Variants in FRMD3 observed in about 807,000 individuals in gnomAD.
FRMD3 encodes the protein FERM domain containing 3.
FRMD3 carries 33 observed loss-of-function variants against 70.2 expected under a neutral mutation model. The observed-to-expected ratio is 0.47, with a 90% CI of 0.36 to 0.63. FRMD3 has a LOEUF of 0.63. Among genes scored for constraint, FRMD3 ranks in the 20% least tolerant of loss-of-function variants. FRMD3 has a pLI of 0.00. For synonymous variants in FRMD3, 279 were observed against 255.9 expected, an observed-to-expected ratio of 1.09 and a Z score of -0.86; for missense variants, 632 against 711.4, an observed-to-expected ratio of 0.89 and a Z score of 1.27.
At chr9:83,310,610 T>C in intron 8 of FRMD3, 62 bp from the exon 9 acceptor site, 1 of 1,314,688 alleles carries the variant, frequency 7.6e-7, no homozygotes. Flanking sequence ...GGTACCTGGG[T>C]TTCCCATAGG....
chr9:83,272,789 G>C (rs1455749177), intron 13 of FRMD3, among the ~76,000 whole-genome samples: 1 of 149,322 alleles, frequency 6.7e-6, no homozygotes, highest in Non-Finnish European at 1.5e-5. Flanking sequence ...CCTCTGCCCC[G>C]CCGCCCCGTC....
chr9:83,443,795 A>G (rs1309783590), intron 1 of FRMD3, among the ~76,000 whole-genome samples: 1 of 152,132 alleles, frequency 6.6e-6, no homozygotes, highest in Non-Finnish European at 1.5e-5. Context: ...CATCCTCTCC[A>G]GCACCTGTTG....
chr9:83,279,109 T>A (rs1833884830), intron 13 of FRMD3: 1 of 150,388 alleles, frequency 6.6e-6, no homozygotes, highest in African/African-American at 2.5e-5. Context: ...GTTCCGATTA[T>A]CAAGTGAGTC....
chr9:83,372,218 A>G (rs1156850809), intron 3 of FRMD3, among the ~76,000 whole-genome samples: 1 of 152,108 alleles, frequency 6.6e-6, no homozygotes, highest in East Asian at 1.9e-4. Flanking sequence ...ACAGCCTGGC[A>G]TGAGTGACCA....
chr9:83,300,242 T>C (rs1222026655), intron 10 of FRMD3, among the ~76,000 whole-genome samples: 1 of 152,146 alleles, frequency 6.6e-6, no homozygotes, highest in Admixed American at 6.5e-5. Flanking sequence ...GAAAGACACA[T>C]GGCTGATCTA....
At chr9:83,318,831 AAT>A (rs1835685933) in intron 6 of FRMD3, among the ~76,000 whole-genome samples, 1 of 152,188 alleles carries the variant, frequency 6.6e-6, no homozygotes, top group African/African-American at 2.4e-5. Context: ...ACTTTTTAGT[AAT>A]AGTCTTTCTG....
chr9:83,488,099 A>G (rs1385006356), intron 1 of FRMD3, among the ~76,000 whole-genome samples: 1 of 152,180 alleles, frequency 6.6e-6, no homozygotes, highest in Non-Finnish European at 1.5e-5. Context: ...ACATCTGGAT[A>G]CATCAACATA....
At chr9:83,326,046 A>G (rs1836002023) in intron 6 of FRMD3, among the ~76,000 whole-genome samples, 1 of 152,140 alleles carries the variant, frequency 6.6e-6, no homozygotes, top group Non-Finnish European at 1.5e-5. Context: ...TTGCTAGTTG[A>G]CCGGGTATAA....
chr9:83,505,503 G>A (rs1156656602), intron 1 of FRMD3, among the ~76,000 whole-genome samples: 3 of 152,116 alleles, frequency 2.0e-5, no homozygotes, highest in Admixed American at 6.5e-5. Flanking sequence ...AGGACAGGTG[G>A]CCTGAGAGAG....
At chr9:83,381,630 T>C (rs1825358495) in intron 2 of FRMD3, among the ~76,000 whole-genome samples, 1 of 152,100 alleles carries the variant, frequency 6.6e-6, no homozygotes, top group East Asian at 1.9e-4. Context: ...ATGATGTTTT[T>C]GTATTCTAGG....
intron 1 of FRMD3, among the ~76,000 whole-genome samples, chr9:83,517,574 C>A (rs575667134): frequency 1.3e-5 from 2 of 151,130 alleles, no homozygotes; most frequent in African/African-American, 2.4e-5. Context: ...AAAAAGCACC[C>A]GGTACCATTC....
At chr9:83,252,269 C>A (rs2118562096) in intron 13 of FRMD3, among the ~76,000 whole-genome samples, 1 of 152,220 alleles carries the variant, frequency 6.6e-6, no homozygotes, top group East Asian at 1.9e-4. Context: ...TTTGGCCAAA[C>A]TAAGCTTCAT....
intron 12 of FRMD3, among the ~76,000 whole-genome samples, chr9:83,296,461 T>G (rs966987392): frequency 1.3e-5 from 2 of 152,218 alleles, no homozygotes; most frequent in African/African-American, 4.8e-5. Flanking sequence ...CTGGGGGACA[T>G]GGAGATGACC....
intron 1 of FRMD3, among the ~76,000 whole-genome samples, chr9:83,423,956 G>A (rs1359303137): frequency 2.0e-5 from 3 of 152,134 alleles, no homozygotes; most frequent in Non-Finnish European, 4.4e-5. Context: ...ATCAGATGTT[G>A]CAAATACAGA....
rs572237931 is a variant in FRMD3, at chr9:83,362,057, A to G, written c.295+10856T>C. ...TTTATTATGGATGCCCAGAGAAACT[A>G]ACACACTCAGCAAGGGGAAAACTGG... On this transcript the variant is annotated intron_variant, in intron 3 of 13. Transcript: ENST00000304195. Among the ~76,000 whole-genome samples, 4 of 152,298 alleles carry G rather than the reference A, an allele frequency of 2.6e-5. 1 individual carries two copies. Among genetic ancestry groups the G allele is most frequent in the African/African-American group, 7.2e-5 (3 of 41,570 alleles).
chr9:83,503,318 G>A (rs1829113768), intron 1 of FRMD3, among the ~76,000 whole-genome samples: 3 of 152,192 alleles, frequency 2.0e-5, no homozygotes, highest in Non-Finnish European at 4.4e-5. Context: ...AGAATTCAGA[G>A]AGATTCAAAG....
At chr9:83,316,959 C>T (rs1835603843) in intron 6 of FRMD3, among the ~76,000 whole-genome samples, 1 of 152,084 alleles carries the variant, frequency 6.6e-6, no homozygotes, top group Non-Finnish European at 1.5e-5. Flanking sequence ...TATCCCCACA[C>T]TTTGGGAGGC....
intron 8 of FRMD3, among the ~76,000 whole-genome samples, chr9:83,311,290 A>G (rs1274949758): frequency 1.3e-5 from 2 of 149,830 alleles, no homozygotes; most frequent in East Asian, 2.1e-4. Flanking sequence ...TGGCAGAGAA[A>G]AAAAAAAAAA....
At chr9:83,337,390 G>C (rs1823616197) in intron 5 of FRMD3, among the ~76,000 whole-genome samples, 1 of 152,142 alleles carries the variant, frequency 6.6e-6, no homozygotes, top group Non-Finnish European at 1.5e-5. Context: ...GATCTTCAAG[G>C]GTAAAAAGAG....
Sources: allele counts gnomAD v4.1 joint callset (sites outside exome capture counted in the v4.1 genomes callset), GRCh38; gene constraint gnomAD v4.1.1; transcripts MANE v1.5; gene names NCBI Gene and HGNC (gene_info 2026-07-23, HGNC 2026-07-21).